The following SLC8A1 variants were observed in gnomAD, a reference collection of about 807,000 sequenced individuals.
SLC8A1 encodes the protein sodium/calcium exchanger 1.
SLC8A1 carries 18 observed loss-of-function variants against 68.3 expected under a neutral mutation model. The ratio of observed to expected loss-of-function variants is 0.26; its 90% CI spans 0.18 to 0.39. The LOEUF is 0.39. Ranked by LOEUF, SLC8A1 falls within the 10% of genes least tolerant of loss-of-function variation. The pLI is 1.00. For missense variants in SLC8A1, 985 were observed against 1,156.7 expected, an observed-to-expected ratio of 0.85 and a Z score of 2.15; for synonymous variants, 475 against 415.5, an observed-to-expected ratio of 1.14 and a Z score of -1.74.
intron 2 of SLC8A1, chr2:40,251,231 G>A (rs974435385): frequency 6.6e-6 from 1 of 152,004 alleles, no homozygotes; most frequent in Admixed American, 6.6e-5. Context: ...TTCAGACAAA[G>A]GGAAAAACCA....
chr2:40,420,749 G>C (rs527686324), intron 2 of SLC8A1, among the ~76,000 whole-genome samples: 2 of 152,224 alleles, frequency 1.3e-5, no homozygotes, highest in African/African-American at 4.8e-5. Context: ...AGCAGCTTGA[G>C]CATGTGTTGA....
chr2:40,297,661 C>A (rs909812925), intron 2 of SLC8A1, among the ~76,000 whole-genome samples: 2 of 152,120 alleles, frequency 1.3e-5, no homozygotes, highest in African/African-American at 2.4e-5. Context: ...AAAAACAATG[C>A]AATTGAATTT....
At chr2:40,232,844 C>A (rs1443678671) in intron 2 of SLC8A1, among the ~76,000 whole-genome samples, 1 of 139,408 alleles carries the variant, frequency 7.2e-6, no homozygotes, top group South Asian at 2.3e-4. Context: ...TGAGAATATG[C>A]GGTGTTTGGT....
chr2:40,411,520 G>C (rs1022849663), intron 2 of SLC8A1, among the ~76,000 whole-genome samples: 1 of 151,824 alleles, frequency 6.6e-6, no homozygotes, highest in Non-Finnish European at 1.5e-5. Flanking sequence ...TAAAATGTGA[G>C]CCATGATTTT....
chr2:40,333,375 T>G (rs937320201), intron 2 of SLC8A1, among the ~76,000 whole-genome samples: 36 of 147,454 alleles, frequency 2.4e-4, no homozygotes, highest in Non-Finnish European at 4.9e-4. Context: ...GAGGTGGAGG[T>G]TGCAGTGGGC....
chr2:40,417,243 G>C (rs1694150110), intron 2 of SLC8A1, among the ~76,000 whole-genome samples: 1 of 151,942 alleles, frequency 6.6e-6, no homozygotes, highest in Non-Finnish European at 1.5e-5. Context: ...TGGGGGTTTG[G>C]TGTACAGATT....
intron 2 of SLC8A1, among the ~76,000 whole-genome samples, chr2:40,309,437 C>G (rs1251789821): frequency 1.3e-5 from 2 of 151,246 alleles, no homozygotes; most frequent in East Asian, 3.9e-4. Flanking sequence ...AAATTGGTTA[C>G]TGAAATATTC....
chr2:40,279,362 T>G (rs2067196721), intron 2 of SLC8A1, among the ~76,000 whole-genome samples: 1 of 152,210 alleles, frequency 6.6e-6, no homozygotes, highest in Non-Finnish European at 1.5e-5. Flanking sequence ...AAGAAGCGAT[T>G]TGTTCAAATG....
chr2:40,300,711 C>G (rs1233879110), intron 2 of SLC8A1, among the ~76,000 whole-genome samples: 1 of 152,128 alleles, frequency 6.6e-6, no homozygotes, highest in Non-Finnish European at 1.5e-5. Flanking sequence ...CTAAGAATGA[C>G]AAGCCTCTCC....
At chr2:40,298,795 A>C (rs7583830) in intron 2 of SLC8A1, among the ~76,000 whole-genome samples, 7,283 of 151,718 alleles carry the variant, frequency 0.048, 576 homozygotes, top group African/African-American at 0.17. Context: ...ACAGTAACTA[A>C]TGATGGTGAA....
At chr2:40,347,833 C>G (rs1047485212) in intron 2 of SLC8A1, among the ~76,000 whole-genome samples, 1 of 152,074 alleles carries the variant, frequency 6.6e-6, no homozygotes, top group Admixed American at 6.6e-5. Context: ...TTTCAAAGTC[C>G]ATACATTTTC....
At chr2:40,269,682 C>A (rs2065783923) in intron 2 of SLC8A1, among the ~76,000 whole-genome samples, 1 of 152,166 alleles carries the variant, frequency 6.6e-6, no homozygotes, top group Non-Finnish European at 1.5e-5. Flanking sequence ...TGTAAGGGAG[C>A]ATGAAGTGAC....
chr2:40,138,330 A>G (rs1281723352), intron 7 of SLC8A1, among the ~76,000 whole-genome samples: 1 of 152,220 alleles, frequency 6.6e-6, no homozygotes, highest in Non-Finnish European at 1.5e-5. Context: ...ACTTTAGTAG[A>G]AAACAAAGTG....
At chr2:40,249,179 A>C (rs1482898820) in intron 2 of SLC8A1, among the ~76,000 whole-genome samples, 3 of 152,164 alleles carry the variant, frequency 2.0e-5, no homozygotes, top group African/African-American at 7.2e-5. Flanking sequence ...AGAACAAAAA[A>C]TGTTTGATGT....
chr2:40,163,645 C>T (rs151080252), intron 5 of SLC8A1, among the ~76,000 whole-genome samples: 4 of 152,120 alleles, frequency 2.6e-5, no homozygotes, highest in African/African-American at 7.2e-5. Context: ...GTCTAATGAT[C>T]GGGGTCTGCC....
chr2:40,408,421 A>T (rs1271256430), intron 2 of SLC8A1, among the ~76,000 whole-genome samples: 2 of 152,184 alleles, frequency 1.3e-5, no homozygotes, highest in Non-Finnish European at 2.9e-5. Flanking sequence ...ATTTGGAAGC[A>T]CTAAGTGAAG....
At chr2:40,404,723 G>A (rs1000578699) in intron 2 of SLC8A1, among the ~76,000 whole-genome samples, 3 of 152,122 alleles carry the variant, frequency 2.0e-5, no homozygotes, top group Admixed American at 1.3e-4. Context: ...AAGTTGGCAC[G>A]AGTGCGTTGC....
At chr2:40,211,170 A>C (rs942982515) in intron 2 of SLC8A1, among the ~76,000 whole-genome samples, 9 of 152,194 alleles carry the variant, frequency 5.9e-5, no homozygotes, top group Admixed American at 5.9e-4. Flanking sequence ...TCTCACAACA[A>C]CCTTGCTCAT....
chr2:40,251,533 C>G (rs1011879046), intron 2 of SLC8A1: 2 of 152,154 alleles, frequency 1.3e-5, no homozygotes, highest in Non-Finnish European at 2.9e-5. Flanking sequence ...TAGTAAATCA[C>G]CTGTAAATAA....
Sources: allele counts gnomAD v4.1 joint callset (sites outside exome capture counted in the v4.1 genomes callset), GRCh38; gene constraint gnomAD v4.1.1; transcripts MANE v1.5; gene names NCBI Gene and HGNC (gene_info 2026-07-23, HGNC 2026-07-21).